SDK1: variants seen among roughly 807,000 people sequenced by gnomAD.
SDK1 encodes sidekick cell adhesion molecule 1, also known as protein sidekick-1.
Under a neutral mutation model 245.5 loss-of-function variants are expected in SDK1, and 157 were observed. The observed-to-expected ratio is 0.64, with a 90% CI of 0.56 to 0.73. The LOEUF (loss-of-function observed/expected upper bound fraction) is 0.73, where lower values mean the gene tolerates loss of function less well. Among genes scored for constraint, SDK1 ranks in the 30% least tolerant of loss-of-function variants. SDK1 has a pLI of 0.00. For missense variants in SDK1, 3,583 were observed against 3,002.3 expected (o/e 1.19, Z -4.52); for synonymous variants, 1,647 against 1,278.5 (o/e 1.29, Z -6.15).
At chr7:3,429,990 C>G (rs796854525) in intron 1 of SDK1, among the ~76,000 whole-genome samples, 8 of 152,200 alleles carry the variant, frequency 5.3e-5, no homozygotes, top group African/African-American at 1.7e-4. Flanking sequence ...TCTTTCTGTG[C>G]TATTTAAAAT....
At chr7:3,543,691 C>A (rs1216672705) in intron 1 of SDK1, among the ~76,000 whole-genome samples, 1 of 152,302 alleles carries the variant, frequency 6.6e-6, no homozygotes, top group African/African-American at 2.4e-5. Context: ...TTGTGTTACA[C>A]GTACTCATAG....
intron 4 of SDK1, among the ~76,000 whole-genome samples, chr7:3,675,737 C>T (rs1426585992): frequency 6.6e-6 from 1 of 152,176 alleles, no homozygotes; most frequent in African/African-American, 2.4e-5. Context: ...CTGTATTGCC[C>T]AGGCTGGTTA....
intron 2 of SDK1, among the ~76,000 whole-genome samples, chr7:3,631,271 A>T (rs189232584): frequency 5.1e-4 from 78 of 152,178 alleles, no homozygotes; most frequent in Non-Finnish European, 9.4e-4. Context: ...TAATCTATTG[A>T]GCTCTCTCTG....
At chr7:3,655,014 C>T (rs1335496987) in intron 4 of SDK1, among the ~76,000 whole-genome samples, 1 of 150,018 alleles carries the variant, frequency 6.7e-6, no homozygotes, top group East Asian at 1.9e-4. Flanking sequence ...TCTGAAGTTG[C>T]CAGGCCTGGA....
chr7:4,259,277 A>G (rs1562488884), intron 44 of SDK1, among the ~76,000 whole-genome samples: 1 of 152,144 alleles, frequency 6.6e-6, no homozygotes, highest in Non-Finnish European at 1.5e-5. Context: ...CATCTCTACT[A>G]AAAATACAAA....
intron 44 of SDK1, among the ~76,000 whole-genome samples, chr7:4,255,077 T>C (rs1442326335): frequency 1.3e-5 from 2 of 152,248 alleles, no homozygotes; most frequent in African/African-American, 4.8e-5. Context: ...TGCCAGATGC[T>C]GTCAGTCTTT....
At chr7:4,077,670 G>A (rs1031996129) in intron 21 of SDK1, among the ~76,000 whole-genome samples, 10 of 152,276 alleles carry the variant, frequency 6.6e-5, no homozygotes, top group African/African-American at 2.2e-4. Flanking sequence ...GTATTACATG[G>A]ATGGCAGCAG....
chr7:4,227,402 T>A (rs1261058016), intron 40 of SDK1: 3 of 471,280 alleles, frequency 6.4e-6, no homozygotes, highest in Non-Finnish European at 1.3e-5. Flanking sequence ...GCCTCCTGCC[T>A]TGAATGAGGA....
At chr7:4,231,252 T>C (rs1785741123) in intron 40 of SDK1, among the ~76,000 whole-genome samples, 1 of 152,076 alleles carries the variant, frequency 6.6e-6, no homozygotes, top group Non-Finnish European at 1.5e-5. Context: ...TGGTGAGAAA[T>C]GGCTGTAAAT....
intron 4 of SDK1, among the ~76,000 whole-genome samples, chr7:3,651,135 T>G (rs1583272111): frequency 6.6e-6 from 1 of 151,350 alleles, no homozygotes; most frequent in East Asian, 1.9e-4. Flanking sequence ...TTTTAGTTTT[T>G]TTTTTTTTTT....
chr7:3,607,874 C>G (rs1177402871), intron 1 of SDK1, among the ~76,000 whole-genome samples: 1 of 152,352 alleles, frequency 6.6e-6, no homozygotes, highest in East Asian at 1.9e-4. Flanking sequence ...GTAATTTAAT[C>G]CTTGAGACAA....
chr7:3,512,958 C>A (rs1583980094), intron 1 of SDK1, among the ~76,000 whole-genome samples: 1 of 152,194 alleles, frequency 6.6e-6, no homozygotes, highest in East Asian at 1.9e-4. Flanking sequence ...AAATTATAAA[C>A]AATATTGCCA....
chr7:4,120,153 A>G (rs1562839153), intron 25 of SDK1, among the ~76,000 whole-genome samples: 1 of 148,740 alleles, frequency 6.7e-6, no homozygotes, highest in Non-Finnish European at 1.5e-5. Context: ...GAACAGAATG[A>G]GATCTACCAC....
At chr7:4,232,731 G>C (rs1053272926) in intron 40 of SDK1, among the ~76,000 whole-genome samples, 1 of 152,010 alleles carries the variant, frequency 6.6e-6, no homozygotes, top group African/African-American at 2.4e-5. Context: ...TCAAAGTACT[G>C]GGATAACAGG....
intron 19 of SDK1, among the ~76,000 whole-genome samples, chr7:4,060,721 C>T (rs1411675980): frequency 6.6e-6 from 1 of 152,046 alleles, no homozygotes. Flanking sequence ...TTGCCCATGC[C>T]TATGTCCGGA....
chr7:4,235,927 C>G (rs1786136438), intron 41 of SDK1, among the ~76,000 whole-genome samples: 1 of 152,260 alleles, frequency 6.6e-6, no homozygotes, highest in African/African-American at 2.4e-5. Flanking sequence ...GTGCTGGGGT[C>G]AGGCCCACTC....
chr7:4,236,671 G>T (rs1786186995), intron 41 of SDK1, among the ~76,000 whole-genome samples: 1 of 152,018 alleles, frequency 6.6e-6, no homozygotes, highest in Non-Finnish European at 1.5e-5. Flanking sequence ...TTTTAGGGGG[G>T]ACAACTGATT....
chr7:3,656,365 T>C (rs147005452), intron 4 of SDK1, among the ~76,000 whole-genome samples: 15 of 152,294 alleles, frequency 9.8e-5, no homozygotes, highest in African/African-American at 3.6e-4. Context: ...TTCTGGACTA[T>C]TAGTGTCAGT....
At chr7:4,016,980 A>G (rs995188528) in intron 16 of SDK1, among the ~76,000 whole-genome samples, 191 bp from the exon 17 acceptor site, 2 of 152,190 alleles carry the variant, frequency 1.3e-5, no homozygotes, top group Non-Finnish European at 2.9e-5. Context: ...TGAGCTTATA[A>G]TCACTGTGAG....
Sources: gnomAD v4.1 joint callset for allele counts (sites outside exome capture counted in the v4.1 genomes callset) on GRCh38, gnomAD v4.1.1 for gene constraint, MANE v1.5 for transcripts, NCBI Gene and HGNC (gene_info 2026-07-23, HGNC 2026-07-21) for gene names.